CLSTN2: variants seen among roughly 807,000 people sequenced by gnomAD.
The protein encoded by CLSTN2 is calsyntenin-2.
Under a neutral mutation model 101.2 loss-of-function variants are expected in CLSTN2, and 48 were observed. That is an observed-to-expected ratio of 0.47 (90% CI 0.38 to 0.60). The LOEUF (loss-of-function observed/expected upper bound fraction) is 0.60. Among genes scored for constraint, CLSTN2 ranks in the 20% least tolerant of loss-of-function variants. CLSTN2 has a pLI of 0.00. For missense variants in CLSTN2, 1,160 were observed against 1,238.2 expected (o/e 0.94, Z 0.95); for synonymous variants, 481 against 463.6 (o/e 1.04, Z -0.48).
chr3:140,194,678 C>A (rs1007525995), intron 2 of CLSTN2, among the ~76,000 whole-genome samples: 1 of 152,162 alleles, frequency 6.6e-6, no homozygotes, highest in Non-Finnish European at 1.5e-5. Flanking sequence ...GCAATGGGGG[C>A]ATCACCTCCT....
intron 1 of CLSTN2, among the ~76,000 whole-genome samples, chr3:139,966,344 A>AT (rs1560056421): frequency 6.6e-6 from 1 of 152,206 alleles, no homozygotes; most frequent in Non-Finnish European, 1.5e-5. Flanking sequence ...CTTAATATGC[A>AT]TCTATGATCC....
At chr3:140,359,675 C>T (rs756392061) in intron 2 of CLSTN2, among the ~76,000 whole-genome samples, 2 of 152,184 alleles carry the variant, frequency 1.3e-5, no homozygotes, top group Non-Finnish European at 2.9e-5. Context: ...TTTGGGTAAG[C>T]TTAGTCACAA....
chr3:140,542,945 A>T (rs1248077294), intron 9 of CLSTN2, among the ~76,000 whole-genome samples: 1 of 152,174 alleles, frequency 6.6e-6, no homozygotes, highest in Non-Finnish European at 1.5e-5. Flanking sequence ...ATGTACTCAC[A>T]CTATAGGAAC....
chr3:140,364,539 G>A (rs945768130), intron 2 of CLSTN2, among the ~76,000 whole-genome samples: 1 of 152,174 alleles, frequency 6.6e-6, no homozygotes, highest in South Asian at 2.1e-4. Flanking sequence ...TGAGGAGCAA[G>A]GGTACCTATG....
intron 8 of CLSTN2, among the ~76,000 whole-genome samples, chr3:140,478,509 A>G (rs1433741174): frequency 3.3e-5 from 5 of 152,212 alleles, no homozygotes; most frequent in Non-Finnish European, 7.4e-5. Flanking sequence ...ATATTACTTA[A>G]TTTACATTAA....
At chr3:140,368,827 A>G (rs946720333) in intron 2 of CLSTN2, among the ~76,000 whole-genome samples, 2 of 152,304 alleles carry the variant, frequency 1.3e-5, no homozygotes, top group South Asian at 2.1e-4. Flanking sequence ...TTCCTTCCAG[A>G]GCACCCACAG....
chr3:140,321,901 T>C (rs2087286811), intron 2 of CLSTN2, among the ~76,000 whole-genome samples: 1 of 152,202 alleles, frequency 6.6e-6, no homozygotes, highest in African/African-American at 2.4e-5. Context: ...AAAGGAGGAC[T>C]GAAGGCTGCA....
At chr3:140,465,214 G>T (rs1933660551) in intron 7 of CLSTN2, among the ~76,000 whole-genome samples, 1 of 152,176 alleles carries the variant, frequency 6.6e-6, no homozygotes, top group African/African-American at 2.4e-5. Context: ...AAGGTAAAGT[G>T]TATCTAAGGC....
intron 1 of CLSTN2, among the ~76,000 whole-genome samples, chr3:140,071,953 C>G (rs891833285): frequency 6.6e-6 from 1 of 152,058 alleles, no homozygotes; most frequent in Non-Finnish European, 1.5e-5. Flanking sequence ...CTTTATCTGT[C>G]AGATTTGCTG....
At chr3:140,021,637 G>T (rs1013711668) in intron 1 of CLSTN2, among the ~76,000 whole-genome samples, 3 of 152,094 alleles carry the variant, frequency 2.0e-5, no homozygotes, top group African/African-American at 7.2e-5. Flanking sequence ...GGAAGTACAC[G>T]TGACCACTCT....
intron 8 of CLSTN2, among the ~76,000 whole-genome samples, chr3:140,479,878 G>A (rs942558207): frequency 1.1e-4 from 17 of 152,122 alleles, no homozygotes; most frequent in Non-Finnish European, 2.4e-4. Flanking sequence ...GCCCCAAGCC[G>A]AATAAATACA....
At chr3:140,135,482 G>A (rs899043515) in intron 1 of CLSTN2, among the ~76,000 whole-genome samples, 1 of 151,996 alleles carries the variant, frequency 6.6e-6, no homozygotes, top group Non-Finnish European at 1.5e-5. Flanking sequence ...TTATATTCTC[G>A]TAGTCTCTAC....
intron 12 of CLSTN2, among the ~76,000 whole-genome samples, chr3:140,561,925 T>C (rs1158738218): frequency 4.6e-5 from 7 of 152,130 alleles, no homozygotes; most frequent in Non-Finnish European, 7.3e-5. Flanking sequence ...TTCCTGCTGT[T>C]CCCACTAATT....
intron 5 of CLSTN2, among the ~76,000 whole-genome samples, chr3:140,430,706 T>C (rs2088619032): frequency 6.6e-6 from 1 of 152,170 alleles, no homozygotes; most frequent in African/African-American, 2.4e-5. Flanking sequence ...CTTGAAAGAA[T>C]GGGAGATCAA....
chr3:140,062,228 T>C (rs2008219266), intron 1 of CLSTN2, among the ~76,000 whole-genome samples: 1 of 152,150 alleles, frequency 6.6e-6, no homozygotes, highest in South Asian at 2.1e-4. Context: ...GTGAACATCC[T>C]CTTCTGAGAA....
intron 2 of CLSTN2, among the ~76,000 whole-genome samples, chr3:140,376,874 A>G (rs1315085673): frequency 6.6e-6 from 1 of 152,234 alleles, no homozygotes; most frequent in Non-Finnish European, 1.5e-5. Flanking sequence ...AAAGTGAGCA[A>G]GAGCCATGTC....
At chr3:139,947,760 T>C (rs1354156052) in intron 1 of CLSTN2, among the ~76,000 whole-genome samples, 1 of 152,242 alleles carries the variant, frequency 6.6e-6, no homozygotes, top group Non-Finnish European at 1.5e-5. Flanking sequence ...TGCTTAATTA[T>C]TAATGTTAGA....
intron 1 of CLSTN2, among the ~76,000 whole-genome samples, chr3:140,084,431 CTG>C (rs1282575475): frequency 1.3e-5 from 2 of 152,162 alleles, no homozygotes; most frequent in Admixed American, 1.3e-4. Context: ...CCTTTAATAT[CTG>C]TGTGGTTTCA....
intron 1 of CLSTN2, among the ~76,000 whole-genome samples, chr3:139,952,354 C>T (rs577632277): frequency 1.3e-5 from 2 of 152,168 alleles, no homozygotes; most frequent in Non-Finnish European, 2.9e-5. Context: ...ACAGACCCAG[C>T]TTGTGCAATA....
Sources: allele counts gnomAD v4.1 joint callset (sites outside exome capture counted in the v4.1 genomes callset), GRCh38; gene constraint gnomAD v4.1.1; transcripts MANE v1.5; gene names NCBI Gene and HGNC (gene_info 2026-07-23, HGNC 2026-07-21).